The following LRMDA variants were observed in gnomAD, a reference collection of about 807,000 sequenced individuals.
LRMDA encodes the protein leucine rich melanocyte differentiation associated, also known as leucine-rich melanocyte differentiation-associated protein.
A neutral mutation model predicts 29.8 loss-of-function variants in LRMDA; 18 were observed. That is an observed-to-expected ratio of 0.60 (90% CI 0.42 to 0.90). The LOEUF is 0.90. Among genes scored for constraint, LRMDA ranks in the 40% least tolerant of loss-of-function variants. LRMDA has a pLI of 0.00. For synonymous variants in LRMDA, 125 were observed against 109.4 expected, an observed-to-expected ratio of 1.14 and a Z score of -0.89; for missense variants, 273 against 273.9, an observed-to-expected ratio of 1.00 and a Z score of 0.02.
At chr10:76,104,391 G>A (rs981271688) in intron 5 of LRMDA, among the ~76,000 whole-genome samples, 41 of 152,154 alleles carry the variant, frequency 2.7e-4, no homozygotes, top group African/African-American at 9.2e-4. Flanking sequence ...GTTGGGTTTG[G>A]ACAATGAGGG....
chr10:75,940,523 C>G (rs558978833), intron 2 of LRMDA, among the ~76,000 whole-genome samples: 13 of 152,266 alleles, frequency 8.5e-5, no homozygotes, highest in African/African-American at 3.1e-4. Context: ...AGAGTTTGCA[C>G]CCTGAGTTCC....
intron 2 of LRMDA, among the ~76,000 whole-genome samples, chr10:75,691,186 A>ATG (rs1842150369): frequency 7.2e-6 from 1 of 138,084 alleles, no homozygotes; most frequent in African/African-American, 2.7e-5. Context: ...ATCTATGTAC[A>ATG]TAGATATATA....
intron 2 of LRMDA, among the ~76,000 whole-genome samples, chr10:75,806,434 G>A (rs1843853434): frequency 1.3e-5 from 2 of 152,176 alleles, no homozygotes; most frequent in Non-Finnish European, 2.9e-5. Flanking sequence ...TTCTGGGTAA[G>A]GAGAGATATT....
chr10:75,795,570 A>G (rs1843639234), intron 2 of LRMDA, among the ~76,000 whole-genome samples: 1 of 152,190 alleles, frequency 6.6e-6, no homozygotes, highest in African/African-American at 2.4e-5. Flanking sequence ...TTATTGTGTT[A>G]TCTGCTCTGT....
At chr10:75,590,668 A>G (rs549837803) in intron 2 of LRMDA, among the ~76,000 whole-genome samples, 3 of 150,898 alleles carry the variant, frequency 2.0e-5, no homozygotes, top group East Asian at 3.9e-4. Context: ...ATAATGCCTT[A>G]AATATTTTTT....
chr10:75,854,081 A>G (rs962628563), intron 2 of LRMDA, among the ~76,000 whole-genome samples: 2 of 152,098 alleles, frequency 1.3e-5, no homozygotes, highest in African/African-American at 4.8e-5. Flanking sequence ...AGTTGTGGTT[A>G]TGTAATGGGG....
chr10:76,445,510 G>A (rs774724827), intron 6 of LRMDA, among the ~76,000 whole-genome samples: 4 of 152,196 alleles, frequency 2.6e-5, no homozygotes, highest in Non-Finnish European at 5.9e-5. Flanking sequence ...CACATGCACA[G>A]CAGTAAATTC....
chr10:76,187,490 T>G (rs1851170391), intron 5 of LRMDA, among the ~76,000 whole-genome samples: 1 of 152,092 alleles, frequency 6.6e-6, no homozygotes. Context: ...ACCATGCAAA[T>G]CAACCAGCTG....
intron 5 of LRMDA, among the ~76,000 whole-genome samples, chr10:76,070,020 G>T (rs897158933): frequency 6.6e-6 from 1 of 152,150 alleles, no homozygotes; most frequent in African/African-American, 2.4e-5. Context: ...TTAAAGGCTG[G>T]ACTTCTACCT....
At chr10:76,375,092 T>G (rs1841500160) in intron 6 of LRMDA, among the ~76,000 whole-genome samples, 1 of 152,172 alleles carries the variant, frequency 6.6e-6, no homozygotes, top group Admixed American at 6.5e-5. Flanking sequence ...TTTCAACTGC[T>G]AAAAGTTCAG....
intron 2 of LRMDA, among the ~76,000 whole-genome samples, chr10:75,533,780 GGA>G (rs1265007512): frequency 6.6e-6 from 1 of 152,088 alleles, no homozygotes; most frequent in Non-Finnish European, 1.5e-5. Flanking sequence ...GAGGATGAGA[GGA>G]GAGAGAGAGT....
At chr10:75,608,146 A>C (rs1840983021) in intron 2 of LRMDA, among the ~76,000 whole-genome samples, 1 of 148,164 alleles carries the variant, frequency 6.7e-6, no homozygotes, top group African/African-American at 2.4e-5. Context: ...ACATACACAA[A>C]GCAATATTAT....
chr10:76,488,148 T>G (rs569321620), intron 6 of LRMDA, among the ~76,000 whole-genome samples: 2 of 152,020 alleles, frequency 1.3e-5, no homozygotes, highest in Admixed American at 1.3e-4. Context: ...AATAAAAATT[T>G]TATAACACTA....
At position 76,490,969 on chromosome 10, in the gene LRMDA, T is replaced by G. The variant is rs189637221; in HGVS notation, c.602-66240T>G. Among the ~76,000 whole-genome samples, 161 of 152,098 alleles carry G rather than the reference T, an allele frequency of 1.1e-3. 1 individual carries two copies. Among genetic ancestry groups the G allele is most frequent in the Middle Eastern group, 6.8e-3 (2 of 294 alleles). ...TTTTTATTTGAGGTTACAAATAATA[T>G]GAGGCTTGCAAATAATATCTTATAA... On this transcript the variant is annotated intron_variant, in intron 6 of 6. Transcript: ENST00000611255.
chr10:76,097,667 G>C (rs981091946), intron 5 of LRMDA, among the ~76,000 whole-genome samples: 1 of 152,106 alleles, frequency 6.6e-6, no homozygotes. Flanking sequence ...TGCATTCATT[G>C]AGGTGAGTAT....
chr10:76,195,346 A>G (rs547203037), intron 5 of LRMDA, among the ~76,000 whole-genome samples: 1 of 152,174 alleles, frequency 6.6e-6, no homozygotes, highest in Non-Finnish European at 1.5e-5. Context: ...TAAAGTAGCG[A>G]CCAGGGCATT....
chr10:76,131,317 C>G (rs1303742885), intron 5 of LRMDA, among the ~76,000 whole-genome samples: 2 of 152,186 alleles, frequency 1.3e-5, no homozygotes, highest in African/African-American at 2.4e-5. Context: ...AATGTAAAGC[C>G]ACTTCTCCCA....
At chr10:76,006,267 G>A (rs1427192336) in intron 2 of LRMDA, among the ~76,000 whole-genome samples, 1 of 152,126 alleles carries the variant, frequency 6.6e-6, no homozygotes, top group South Asian at 2.1e-4. Flanking sequence ...CCTGTGCGGC[G>A]GCTGAGGGTG....
At chr10:76,476,554 G>T (rs1842674199) in intron 6 of LRMDA, among the ~76,000 whole-genome samples, 1 of 152,100 alleles carries the variant, frequency 6.6e-6, no homozygotes, top group Non-Finnish European at 1.5e-5. Context: ...ATTTTATGAG[G>T]CCAGCATCAT....
Sources: gnomAD v4.1 joint callset for allele counts (sites outside exome capture counted in the v4.1 genomes callset) on GRCh38, gnomAD v4.1.1 for gene constraint, MANE v1.5 for transcripts, NCBI Gene and HGNC (gene_info 2026-07-23, HGNC 2026-07-21) for gene names.